The following SEZ6L variants were observed in gnomAD, a reference collection of about 807,000 sequenced individuals.
The protein encoded by SEZ6L is seizure 6-like protein.
Under a neutral mutation model 106.2 loss-of-function variants are expected in SEZ6L, and 37 were observed. The ratio of observed to expected loss-of-function variants is 0.35; its 90% CI spans 0.27 to 0.46. The LOEUF is 0.46. SEZ6L is among the 20% of genes least tolerant of loss of function. The probability of loss-of-function intolerance (pLI) is 1.00; values close to 1 mark genes in which losing one functional copy is unlikely to be tolerated. For missense variants in SEZ6L, 1,172 were observed against 1,332.8 expected, an observed-to-expected ratio of 0.88 and a Z score of 1.88; for synonymous variants, 541 against 570.4, an observed-to-expected ratio of 0.95 and a Z score of 0.73.
chr22:26,312,762 G>A (rs976190847), intron 8 of SEZ6L, among the ~76,000 whole-genome samples: 2 of 152,202 alleles, frequency 1.3e-5, no homozygotes, highest in African/African-American at 4.8e-5. Context: ...TAGAAACGGG[G>A]TTTCACCATA....
intron 1 of SEZ6L, among the ~76,000 whole-genome samples, chr22:26,197,648 C>T (rs926975177): frequency 3.9e-5 from 6 of 152,136 alleles, no homozygotes; most frequent in African/African-American, 1.4e-4. Flanking sequence ...ACTCCCAGCC[C>T]AGTCAACTGG....
At chr22:26,218,057 T>C (rs2078349478) in intron 1 of SEZ6L, among the ~76,000 whole-genome samples, 2 of 152,120 alleles carry the variant, frequency 1.3e-5, no homozygotes, top group Non-Finnish European at 2.9e-5. Context: ...AAACACACAG[T>C]TGAGTAGGAA....
intron 4 of SEZ6L, among the ~76,000 whole-genome samples, chr22:26,298,047 C>T (rs1296924428): frequency 6.6e-6 from 1 of 152,172 alleles, no homozygotes; most frequent in Non-Finnish European, 1.5e-5. Context: ...ATTGTCCAGA[C>T]ATTTGAAAAC....
At chr22:26,258,200 G>A (rs947393187) in intron 1 of SEZ6L, among the ~76,000 whole-genome samples, 2 of 152,190 alleles carry the variant, frequency 1.3e-5, no homozygotes, top group East Asian at 3.9e-4. Flanking sequence ...CATAGGGAGA[G>A]TAAGTTTCTT....
rs1940882781 is a variant in SEZ6L at position 26,200,703 on chromosome 22, G to A, written c.94+30940G>A. Among the ~76,000 whole-genome samples the A allele has an allele frequency of 2.6e-5, 4 of 152,140 alleles. No homozygotes were observed. The South Asian group carries it at 8.3e-4, about 32-fold the overall frequency. ...CAGCCTTCTCAGCCTCCAGCCAGTT[G>A]CTGGATTTGTCATTTTAAAGGACTT... On this transcript the variant is annotated intron_variant, in intron 1 of 16. Transcript: ENST00000248933.
At chr22:26,209,002 C>G (rs1319706506) in intron 1 of SEZ6L, among the ~76,000 whole-genome samples, 1 of 151,566 alleles carries the variant, frequency 6.6e-6, no homozygotes, top group Admixed American at 6.6e-5. Flanking sequence ...GACCTATCTT[C>G]GAGTTTATTT....
intron 1 of SEZ6L, among the ~76,000 whole-genome samples, chr22:26,271,449 A>G (rs928642653): frequency 5.3e-5 from 8 of 152,118 alleles, no homozygotes; most frequent in African/African-American, 1.7e-4. Flanking sequence ...TCCCCTCCAA[A>G]TCTCATGTTG....
At chr22:26,351,021 C>T (rs140622564) in intron 11 of SEZ6L, 31 bp from the exon 12 acceptor site, 59 of 1,576,626 alleles carry the variant, frequency 3.7e-5, no homozygotes, top group African/African-American at 5.4e-5. Flanking sequence ...AGAGGTCTGA[C>T]GTCCTCTTGG....
chr22:26,362,766 A>G (rs1013191336), intron 12 of SEZ6L, among the ~76,000 whole-genome samples: 5 of 152,182 alleles, frequency 3.3e-5, no homozygotes, highest in African/African-American at 1.2e-4. Flanking sequence ...CCACAGGCTG[A>G]CTTCTGGGCT....
Position 26,380,217 on chromosome 22 carries a change from C to T in SEZ6L, c.3046-49C>T, listed in dbSNP as rs113186204. ...AAGAACTGCATCCCCCTATGTATAT[C>T]ACTCTACCACACAAGCGTTTGACAA... On this transcript the variant is annotated intron_variant, in intron 16 of 16. Transcript: ENST00000248933. The T allele has an allele frequency of 8.8e-5, 141 of 1,593,404 alleles. No individual in the cohort carries two copies. The African/African-American group carries it at 1.6e-3, about 18-fold the overall frequency.
At chr22:26,334,284 T>G (rs2082578279) in intron 9 of SEZ6L, among the ~76,000 whole-genome samples, 1 of 152,092 alleles carries the variant, frequency 6.6e-6, no homozygotes, top group Non-Finnish European at 1.5e-5. Context: ...TCCGCATTCT[T>G]CTCCTCACCC....
intron 12 of SEZ6L, among the ~76,000 whole-genome samples, chr22:26,352,141 G>T (rs531956850): frequency 7.1e-6 from 1 of 140,862 alleles, no homozygotes; most frequent in Non-Finnish European, 1.5e-5. Context: ...AGCTTGGGTG[G>T]CACAGCGAGA....
chr22:26,343,539 C>T (rs73404658), intron 10 of SEZ6L, among the ~76,000 whole-genome samples: 3,079 of 152,278 alleles, frequency 0.02, 54 homozygotes, highest in African/African-American at 0.053. Context: ...ATCTCCATTT[C>T]CAGAGGATTT....
intron 1 of SEZ6L, among the ~76,000 whole-genome samples, chr22:26,218,486 T>C (rs2078360702): frequency 6.6e-6 from 1 of 152,024 alleles, no homozygotes; most frequent in African/African-American, 2.4e-5. Flanking sequence ...CTGCTAGTTT[T>C]ATATATATTA....
At position 26,169,682 on chromosome 22, in the gene SEZ6L, C is replaced by G. The variant is rs1179828785; in HGVS notation, c.13C>G (p.Arg5Gly). 5 of 1,313,376 alleles carry G rather than the reference C, an allele frequency of 3.8e-6. No homozygotes were observed. Among genetic ancestry groups the G allele is most frequent in the Non-Finnish European group, 4.9e-6 (5 of 1,029,572 alleles). 81.4% of individuals were successfully genotyped at this position (1,313,376 alleles called of 1,614,324 possible). A position where few individuals can be genotyped will look rare whatever the true frequency, so the allele number is the denominator to read the frequency against. Residue 5 changes from arginine to glycine, a missense_variant, in exon 1 of 17, where the codon CGG becomes GGG. Physicochemically the swap from Arg to Gly is moderately radical, Grantham distance 125. Transcript: ENST00000248933. The stretch of plus-strand genomic sequence containing the variant: ...CCCTGCAGCCACGATGCCCGCGGCC[C>G]GGCCGCCCGCCGCGGGACTCCGCGG... Reference protein sequence around the residue: MPAARPPAAGLRGIS... With the variant: MPAAGPPAAGLRGIS...
At chr22:26,260,504 A>G (rs985958132) in intron 1 of SEZ6L, among the ~76,000 whole-genome samples, 1 of 152,204 alleles carries the variant, frequency 6.6e-6, no homozygotes, top group Non-Finnish European at 1.5e-5. Flanking sequence ...TCCATCATAT[A>G]TACATATGAC....
chr22:26,297,112 G>C, intron 4 of SEZ6L, 32 bp downstream of exon 4: 1 of 1,518,290 alleles, frequency 6.6e-7, no homozygotes, highest in Non-Finnish European at 8.9e-7. Flanking sequence ...TGAAACATAG[G>C]CGTTTGCCTC....
At chr22:26,272,456 G>T (rs974672124) in intron 1 of SEZ6L, among the ~76,000 whole-genome samples, 18 of 152,180 alleles carry the variant, frequency 1.2e-4, no homozygotes, top group Admixed American at 2.6e-4. Context: ...TTTACCCACG[G>T]TTATCACCAC....
chr22:26,295,809 C>T (rs943963852), intron 3 of SEZ6L, among the ~76,000 whole-genome samples: 1 of 152,078 alleles, frequency 6.6e-6, no homozygotes, highest in Non-Finnish European at 1.5e-5. Flanking sequence ...AAGAGAAATA[C>T]GTAGGATGCC....
Sources: gnomAD v4.1 joint callset for allele counts (sites outside exome capture counted in the v4.1 genomes callset) on GRCh38, gnomAD v4.1.1 for gene constraint, MANE v1.5 for transcripts, NCBI Gene and HGNC (gene_info 2026-07-23, HGNC 2026-07-21) for gene names.